ZNF106: variants seen among roughly 807,000 people sequenced by gnomAD.
The protein encoded by ZNF106 is zinc finger protein 106.
Under a neutral mutation model 195.1 loss-of-function variants are expected in ZNF106, and 67 were observed. The observed-to-expected ratio is 0.34, with a 90% CI of 0.28 to 0.42. The LOEUF (loss-of-function observed/expected upper bound fraction) is 0.42. Among genes scored for constraint, ZNF106 ranks in the 10% least tolerant of loss-of-function variants. ZNF106 has a pLI of 1.00. For missense variants in ZNF106, 2,118 were observed against 2,304.5 expected (o/e 0.92, Z 1.66); for synonymous variants, 784 against 818.6 (o/e 0.96, Z 0.72).
At chr15:42,468,327 C>T (rs1004040458) in intron 2 of ZNF106, among the ~76,000 whole-genome samples, 6 of 151,822 alleles carry the variant, frequency 4.0e-5, no homozygotes, top group African/African-American at 1.4e-4. Context: ...ATCCACCCAC[C>T]TCAGCCTCCC....
At chr15:42,482,673 C>A (rs1446429931) in intron 1 of ZNF106, among the ~76,000 whole-genome samples, 2 of 151,968 alleles carry the variant, frequency 1.3e-5, no homozygotes, top group Non-Finnish European at 2.9e-5. Flanking sequence ...GGATTACAGG[C>A]ATGTGCCACC....
chr15:42,430,266 T>A (rs1441453963), intron 14 of ZNF106, among the ~76,000 whole-genome samples: 2 of 152,084 alleles, frequency 1.3e-5, no homozygotes, highest in Non-Finnish European at 2.9e-5. Flanking sequence ...ATGGTATTCC[T>A]TGTACTTTGG....
At position 42,448,642 on chromosome 15, in the gene ZNF106, T is replaced by C; in HGVS notation, c.2565A>G (p.Glu855=). ...ATCCTTCTAGACTGGACAGATCAGG[T>C]TCCCCATCCAAATCTAAGGCTTCTT... The part of the protein sequence containing the change: ...NEQEALDLDG[E]PDLSSLEGFQ... The change falls in exon 6 of 22, where the codon GAA becomes GAG. Residue 855 remains glutamate, a synonymous_variant. Coordinates refer to ENST00000564754, the MANE Select transcript of ZNF106 (RefSeq NM_001366845.3). 2 of 1,613,518 alleles carry C rather than the reference T, an allele frequency of 1.2e-6. No individual in the cohort carries two copies. The highest frequency in any genetic ancestry group is 8.5e-7 in the Non-Finnish European group (1 of 1,179,986).
In ZNF106 at chr15:42,437,902, C is replaced by CAAA. The variant is rs35756160; in HGVS notation, c.4601-528_4601-526dup. Among the ~76,000 whole-genome samples the CAAA allele has an allele frequency of 8.9e-3, 723 of 81,060 alleles. 10 individuals are homozygous for CAAA. Among genetic ancestry groups the CAAA allele is most frequent in the African/African-American group, 0.031 (700 of 22,268 alleles). 53.2% of individuals were successfully genotyped at this position (81,060 alleles called of 152,430 possible). A position where few individuals can be genotyped will look rare whatever the true frequency, so the allele number is the denominator to read the frequency against. On this transcript the variant is annotated intron_variant, in intron 12 of 21. Transcript: ENST00000564754. ...AGCCTGGGCGACAACGACTCCGTCT[C>CAAA]AAAAAAAAAAAAAAAAAGAAAAAGA...
intron 1 of ZNF106, among the ~76,000 whole-genome samples, chr15:42,474,861 A>AG (rs2056752919): frequency 6.6e-6 from 1 of 152,172 alleles, no homozygotes; most frequent in African/African-American, 2.4e-5. Flanking sequence ...TCCCTGCTAG[A>AG]GATGCTCTAT....
At chr15:42,469,755 C>T (rs1288852666) in intron 2 of ZNF106, among the ~76,000 whole-genome samples, 1 of 151,692 alleles carries the variant, frequency 6.6e-6, no homozygotes, top group Admixed American at 6.6e-5. Context: ...GGAGCATCAC[C>T]TGAGCCTGGG....
intron 1 of ZNF106, among the ~76,000 whole-genome samples, chr15:42,475,229 G>A (rs1052211870): frequency 2.0e-5 from 3 of 152,304 alleles, no homozygotes; most frequent in Admixed American, 1.3e-4. Flanking sequence ...GAGGTGGGTG[G>A]ATAACTTGAG....
intron 19 of ZNF106, 38 bp from the exon 20 acceptor site, chr15:42,421,170 C>T (rs754722448): frequency 4.4e-6 from 7 of 1,577,198 alleles, no homozygotes; most frequent in South Asian, 1.1e-5. Flanking sequence ...GACCAAAATA[C>T]ATACAAACTA....
At chr15:42,480,874 A>T (rs1348461019) in intron 1 of ZNF106, among the ~76,000 whole-genome samples, 1 of 152,138 alleles carries the variant, frequency 6.6e-6, no homozygotes, top group Non-Finnish European at 1.5e-5. Flanking sequence ...ACTCCCAGCT[A>T]CTTGGGAGGC....
At chr15:42,422,825 C>A (rs550554853) in intron 17 of ZNF106, among the ~76,000 whole-genome samples, 1 of 151,262 alleles carries the variant, frequency 6.6e-6, no homozygotes, top group Admixed American at 6.6e-5. Context: ...ATTACATATA[C>A]AAAATATATG....
intron 2 of ZNF106, among the ~76,000 whole-genome samples, chr15:42,469,133 C>T (rs777622745): frequency 7.9e-5 from 12 of 151,910 alleles, no homozygotes; most frequent in Non-Finnish European, 1.0e-4. Context: ...TGCAGTGAGC[C>T]GAGGTCACAC....
At chr15:42,446,323 A>G (rs1054087000) in intron 7 of ZNF106, among the ~76,000 whole-genome samples, 1 of 152,200 alleles carries the variant, frequency 6.6e-6, no homozygotes, top group Non-Finnish European at 1.5e-5. Context: ...GCTCACATCT[A>G]TAATCCTAAC....
At chr15:42,426,930 T>C (rs1222585241) in intron 15 of ZNF106, among the ~76,000 whole-genome samples, 1 of 152,218 alleles carries the variant, frequency 6.6e-6, no homozygotes, top group Non-Finnish European at 1.5e-5. Context: ...CTTGATTATA[T>C]ACGTGCTAAA....
intron 14 of ZNF106, among the ~76,000 whole-genome samples, chr15:42,435,005 T>G (rs2055218126): frequency 6.6e-6 from 1 of 152,104 alleles, no homozygotes; most frequent in Non-Finnish European, 1.5e-5. Flanking sequence ...ACTCCCAACC[T>G]CAGGTGAATC....
intron 1 of ZNF106, among the ~76,000 whole-genome samples, chr15:42,476,925 A>C (rs1440012659): frequency 6.6e-6 from 1 of 152,166 alleles, no homozygotes; most frequent in East Asian, 1.9e-4. Context: ...AACATGCAAA[A>C]TATGTGTTAA....
intron 3 of ZNF106, among the ~76,000 whole-genome samples, chr15:42,459,062 G>A (rs1034790978): frequency 1.3e-5 from 2 of 152,022 alleles, no homozygotes; most frequent in African/African-American, 4.8e-5. Context: ...CTCTGACCAG[G>A]TTTCCTAAAA....
chr15:42,477,164 T>C (rs2056802711), intron 1 of ZNF106, among the ~76,000 whole-genome samples: 1 of 152,306 alleles, frequency 6.6e-6, no homozygotes, highest in Middle Eastern at 3.4e-3. Context: ...TTTTTCTATT[T>C]CTTAATTTCT....
chr15:42,450,169 C>G lies in ZNF106; in HGVS notation c.2103G>C (p.Gln701His), dbSNP rs781095787. 10 of 1,614,208 alleles carry G rather than the reference C, an allele frequency of 6.2e-6. No homozygotes were observed. Among genetic ancestry groups the G allele is most frequent in the Admixed American group, 1.7e-5 (1 of 60,022 alleles). ...LDLKTSLEDA[Q>H]VDDSIKSHVS... ...CATGAGATTTAATAGAGTCATCAACCTGTGCATCTTCTAGAGAGGTTTTCA... is the reference window on the plus strand; with the variant it reads ...CATGAGATTTAATAGAGTCATCAACGTGTGCATCTTCTAGAGAGGTTTTCA... Residue 701 changes from glutamine to histidine, a missense_variant, in exon 5 of 22, where the codon CAG becomes CAC. Transcript: ENST00000564754.
chr15:42,486,103 G>A (rs983032571), intron 1 of ZNF106, among the ~76,000 whole-genome samples: 3 of 151,202 alleles, frequency 2.0e-5, no homozygotes, highest in African/African-American at 4.9e-5. Flanking sequence ...GACTACAGGC[G>A]CATGTACCAC....
Sources: allele counts gnomAD v4.1 joint callset (sites outside exome capture counted in the v4.1 genomes callset), GRCh38; gene constraint gnomAD v4.1.1; transcripts MANE v1.5; gene names NCBI Gene and HGNC (gene_info 2026-07-23, HGNC 2026-07-21).